TMEM68: variants seen among roughly 807,000 people sequenced by gnomAD.
The protein encoded by TMEM68 is transmembrane protein 68.
TMEM68 carries 25 observed loss-of-function variants against 36.9 expected under a neutral mutation model. The ratio of observed to expected loss-of-function variants is 0.68; its 90% CI spans 0.49 to 0.95. The LOEUF (loss-of-function observed/expected upper bound fraction) is 0.95. Among genes scored for constraint, TMEM68 ranks in the 40% least tolerant of loss-of-function variants. TMEM68 has a pLI of 0.00. For missense variants in TMEM68, 333 were observed against 392.0 expected, an observed-to-expected ratio of 0.85 and a Z score of 1.27; for synonymous variants, 131 against 124.4, an observed-to-expected ratio of 1.05 and a Z score of -0.35.
chr8:55,753,863 G>T (rs184557878), intron 4 of TMEM68, among the ~76,000 whole-genome samples: 3 of 152,266 alleles, frequency 2.0e-5, no homozygotes, highest in African/African-American at 7.2e-5. Context: ...AGGCCAAGGC[G>T]GGCGGATCAC....
At chr8:55,770,582 G>T (rs1012108366) in intron 1 of TMEM68, among the ~76,000 whole-genome samples, 15 of 152,102 alleles carry the variant, frequency 9.9e-5, no homozygotes, top group Admixed American at 8.5e-4. Context: ...GCCAAGGCAG[G>T]AGGACTGCTT....
intron 4 of TMEM68, among the ~76,000 whole-genome samples, chr8:55,753,506 C>A (rs1318663910): frequency 6.6e-6 from 1 of 152,140 alleles, no homozygotes; most frequent in Non-Finnish European, 1.5e-5. Flanking sequence ...GAAAACATAG[C>A]CATAAACAAT....
At chr8:55,768,119 C>G (rs1291333207) in intron 1 of TMEM68, among the ~76,000 whole-genome samples, 2 of 150,432 alleles carry the variant, frequency 1.3e-5, no homozygotes, top group African/African-American at 4.9e-5. Context: ...TAAGAGATCA[C>G]TTCCTTCCTG....
At position 55,762,955 on chromosome 8, in the gene TMEM68, A is replaced by G; in HGVS notation, c.5T>C (p.Ile2Thr). 6.4e-7 allele frequency: 1 copy of G among 1,572,102 alleles called. No homozygotes were observed. The highest frequency in any genetic ancestry group is 8.6e-7 in the Non-Finnish European group (1 of 1,160,398). The change falls in exon 3 of 8, where the codon ATA (isoleucine) becomes ACA (threonine). Residue 2 changes from isoleucine (I) to threonine (T), a missense_variant. Transcript: ENST00000434581. ...TACACCACAGGTTTGATTTTTGTCTATCATTTTTCTTCAGGTGAAAATGAC... is the reference window on the plus strand; with the variant it reads ...TACACCACAGGTTTGATTTTTGTCTGTCATTTTTCTTCAGGTGAAAATGAC... M[I>T]DKNQTCGVGQ...
chr8:55,754,243 T>C (rs1810503784), intron 4 of TMEM68, among the ~76,000 whole-genome samples: 1 of 150,830 alleles, frequency 6.6e-6, no homozygotes, highest in Admixed American at 6.6e-5. Context: ...CTGGACAACA[T>C]GGTGAAACCC....
chr8:55,767,250 C>T (rs1190552447), intron 1 of TMEM68, among the ~76,000 whole-genome samples: 1 of 152,152 alleles, frequency 6.6e-6, no homozygotes, highest in Non-Finnish European at 1.5e-5. Flanking sequence ...TTAACTATTG[C>T]TATCATCATT....
chr8:55,770,803 T>C (rs570098573), intron 1 of TMEM68, among the ~76,000 whole-genome samples: 3 of 152,326 alleles, frequency 2.0e-5, no homozygotes, highest in South Asian at 2.1e-4. Flanking sequence ...CACAGTCTAA[T>C]GCATCACATA....
chr8:55,752,563 G>C (rs934116576), intron 4 of TMEM68, among the ~76,000 whole-genome samples: 3 of 151,964 alleles, frequency 2.0e-5, no homozygotes, highest in Admixed American at 6.6e-5. Context: ...ACTCCAACCT[G>C]GGCAACAGAG....
Position 55,762,563 on chromosome 8 carries a change from A to G in TMEM68, c.325+72T>C, listed in dbSNP as rs777381634. ...TTTTCAGTATCTTCTCAATCAATAA[A>G]ATGGAATGGTAACACAGTTCCAATG... On this transcript the variant is annotated intron_variant, in intron 3 of 7. Transcript: ENST00000434581. 7 of 1,593,054 alleles carry G rather than the reference A, an allele frequency of 4.4e-6. No individual in the cohort carries two copies. In the South Asian group the frequency reaches 8.0e-5, roughly 18 times the overall value.
chr8:55,741,164 G>A (rs111916316), intron 7 of TMEM68, among the ~76,000 whole-genome samples: 194 of 152,236 alleles, frequency 1.3e-3, no homozygotes, highest in African/African-American at 4.6e-3. Context: ...CACAGGAGGC[G>A]GAGGTTGCAG....
At chr8:55,768,759 T>C (rs561035438) in intron 1 of TMEM68, among the ~76,000 whole-genome samples, 2 of 151,972 alleles carry the variant, frequency 1.3e-5, no homozygotes, top group East Asian at 1.9e-4. Context: ...TGCACAAGAA[T>C]GGCTTGAACC....
At chr8:55,761,388 T>C (rs1371817387) in intron 3 of TMEM68, 2 of 152,232 alleles carry the variant, frequency 1.3e-5, no homozygotes, top group African/African-American at 4.8e-5. Flanking sequence ...TGTTTCCCTG[T>C]CTAGCAGTAG....
chr8:55,757,991 T>C lies in TMEM68; in HGVS notation c.326-1580A>G, dbSNP rs113519842. Among the ~76,000 whole-genome samples the C allele has an allele frequency of 5.8e-3, 890 of 152,138 alleles. 5 individuals carry two copies. Among genetic ancestry groups the C allele is most frequent in the African/African-American group, 0.02 (835 of 41,502 alleles). On this transcript the variant is annotated intron_variant, in intron 3 of 7. Transcript: ENST00000434581. ...TGCTATACCCCAGCACCAGGGGGAA[T>C]GAGGGCAGGGGCATGAACAAGGGGT...
chr8:55,762,318 A>C, intron 3 of TMEM68: 1 of 353,480 alleles, frequency 2.8e-6, no homozygotes, highest in East Asian at 4.4e-5. Context: ...TAATTGAAGC[A>C]TTTTTAAAGC....
intron 1 of TMEM68, among the ~76,000 whole-genome samples, chr8:55,765,798 G>C (rs1407077960): frequency 6.6e-6 from 1 of 152,176 alleles, no homozygotes; most frequent in Non-Finnish European, 1.5e-5. Flanking sequence ...ATGGGCTTAG[G>C]AGCCAGACTG....
In TMEM68 at chr8:55,748,752, A is replaced by G. The variant is rs182622098; in HGVS notation, c.687+2212T>C. 3.1e-3 allele frequency among the ~76,000 whole-genome samples: 468 copies of G among 152,078 alleles called. 5 individuals are homozygous for G. The highest frequency in any genetic ancestry group is 0.01 in the African/African-American group (415 of 41,474). On this transcript the variant is annotated intron_variant, in intron 5 of 7. Coordinates refer to ENST00000434581, the MANE Select transcript of TMEM68 (RefSeq NM_001286657.2). ...CATCTGAGTAGCTAAGACCATGCCC[A>G]GCTAATTTTTGTACTTTTAGCAGAG...
At chr8:55,769,553 C>A (rs971540844) in intron 1 of TMEM68, among the ~76,000 whole-genome samples, 2 of 151,966 alleles carry the variant, frequency 1.3e-5, no homozygotes, top group Non-Finnish European at 2.9e-5. Context: ...TCTAAGAAAA[C>A]ATACGAAAAA....
At position 55,740,231 on chromosome 8, in the gene TMEM68, CAAAA is replaced by C. The variant is rs1563424289; in HGVS notation, c.889-17_889-14del. ...CAGCATTCTTCGTCTATTAAGAAAA[CAAAA>C]GAAAAGCTATTGTTAGTAGATCTTA... is the stretch of plus-strand genomic sequence containing the variant. On this transcript the variant is annotated splice_polypyrimidine_tract_variant and intron_variant, in intron 7 of 7. Coordinates refer to ENST00000434581, the MANE Select transcript of TMEM68 (RefSeq NM_001286657.2). The C allele has an allele frequency of 1.2e-6, 2 of 1,602,804 alleles. No homozygotes were observed. Among genetic ancestry groups the C allele is most frequent in the Admixed American group, 3.4e-5 (2 of 59,116 alleles).
chr8:55,769,499 T>G (rs973711698), intron 1 of TMEM68, among the ~76,000 whole-genome samples: 1 of 152,126 alleles, frequency 6.6e-6, no homozygotes, highest in Non-Finnish European at 1.5e-5. Flanking sequence ...CTGAGAAGTT[T>G]GTGCCAGATA....
Sources: allele counts gnomAD v4.1 joint callset (sites outside exome capture counted in the v4.1 genomes callset), GRCh38; gene constraint gnomAD v4.1.1; transcripts MANE v1.5; gene names NCBI Gene and HGNC (gene_info 2026-07-23, HGNC 2026-07-21).